SMCHD1: variants seen among roughly 807,000 people sequenced by gnomAD.
SMCHD1 encodes structural maintenance of chromosomes flexible hinge domain-containing protein 1.
In SMCHD1, 78 loss-of-function variants were observed where a neutral mutation model predicts 254.7. The ratio of observed to expected loss-of-function variants is 0.31; its 90% CI spans 0.26 to 0.37. The LOEUF (loss-of-function observed/expected upper bound fraction) is 0.37, where lower values mean the gene tolerates loss of function less well. Among genes scored for constraint, SMCHD1 ranks in the 10% least tolerant of loss-of-function variants. The pLI, the probability that SMCHD1 is intolerant of heterozygous loss-of-function variation, is 1.00. For synonymous variants in SMCHD1, 766 were observed against 794.9 expected, an observed-to-expected ratio of 0.96 and a Z score of 0.61; for missense variants, 1,840 against 2,408.1, an observed-to-expected ratio of 0.76 and a Z score of 4.94.
chr18:2,670,517 C>T (rs1598289067), intron 3 of SMCHD1, among the ~76,000 whole-genome samples: 1 of 151,984 alleles, frequency 6.6e-6, no homozygotes, highest in African/African-American at 2.4e-5. Context: ...TCCCATATTC[C>T]TCCATTAGAA....
chr18:2,745,125 G>C (rs2075426956), intron 29 of SMCHD1, among the ~76,000 whole-genome samples: 1 of 152,212 alleles, frequency 6.6e-6, no homozygotes, highest in South Asian at 2.1e-4. Context: ...TGACAGGCAT[G>C]AGCCACTGCA....
intron 45 of SMCHD1, among the ~76,000 whole-genome samples, chr18:2,785,612 A>T (rs1449485550): frequency 4.6e-5 from 6 of 130,146 alleles, no homozygotes; most frequent in Non-Finnish European, 9.3e-5. Flanking sequence ...AGATTGCACC[A>T]CTGCACTCCA....
chr18:2,665,323 AT>A lies in SMCHD1; in HGVS notation c.187-823del, dbSNP rs796416596. ...TGTTTCTTGTTGCAATTTCCCTCTA[AT>A]TTTTTTTTTTCTTTGAGACGGAGTC... On this transcript the variant is annotated intron_variant, in intron 1 of 47. Transcript: ENST00000320876. 6.9e-4 allele frequency among the ~76,000 whole-genome samples: 99 copies of A among 142,812 alleles called. 1 individual carries two copies. The highest frequency in any genetic ancestry group is 2.2e-3 in the East Asian group (11 of 4,960). The allele number at this position is 142,812 out of a possible 152,430, so 93.7% of individuals were successfully genotyped here. A position where few individuals can be genotyped will look rare whatever the true frequency, so the allele number is the denominator to read the frequency against.
chr18:2,656,309 G>A lies in SMCHD1; in HGVS notation c.186+48G>A, dbSNP rs374507794. On this transcript the variant is annotated intron_variant, in intron 1 of 47. Coordinates refer to ENST00000320876, the MANE Select transcript of SMCHD1 (RefSeq NM_015295.3). ...GATGCGCGTGTAGACTTGGGGGCGG[G>A]AGGGTGATGAGAAACTCAACTTGCT... 3.1e-5 allele frequency: 43 copies of A among 1,396,754 alleles called. No homozygotes were observed. In the African/African-American group the frequency reaches 5.0e-4, roughly 16 times the overall value. The allele number at this position is 1,396,754 out of a possible 1,614,324, so 86.5% of individuals were successfully genotyped here.
intron 29 of SMCHD1, among the ~76,000 whole-genome samples, chr18:2,744,222 A>C (rs1024057355): frequency 6.6e-6 from 1 of 152,182 alleles, no homozygotes; most frequent in African/African-American, 2.4e-5. Context: ...GCAAACTCCC[A>C]TGTGCCAATT....
chr18:2,761,312 C>T (rs1027033569), intron 35 of SMCHD1, among the ~76,000 whole-genome samples: 3 of 152,130 alleles, frequency 2.0e-5, no homozygotes, highest in African/African-American at 4.8e-5. Context: ...CTATTAGGTA[C>T]TGTGTTTGCT....
At chr18:2,715,107 T>C (rs1441155442) in intron 17 of SMCHD1, among the ~76,000 whole-genome samples, 2 of 152,178 alleles carry the variant, frequency 1.3e-5, no homozygotes, top group African/African-American at 4.8e-5. Flanking sequence ...TGTTTTTGCC[T>C]GGCATTCTTT....
intron 22 of SMCHD1, 136 bp from the exon 23 acceptor site, chr18:2,728,321 A>G (rs2075064725): frequency 1.3e-6 from 1 of 799,456 alleles, no homozygotes; most frequent in African/African-American, 1.8e-5. Context: ...TTAAGCATGG[A>G]CATTGCCTAT....
intron 39 of SMCHD1, among the ~76,000 whole-genome samples, chr18:2,770,830 G>T (rs6506030): frequency 2.6e-5 from 4 of 151,988 alleles, no homozygotes; most frequent in East Asian, 3.9e-4. Context: ...CATGTTGGCC[G>T]GGCTGGTCTC....
At chr18:2,709,246 A>ATATATATATATATATATGTG (rs759808617) in intron 17 of SMCHD1, among the ~76,000 whole-genome samples, 3 of 107,450 alleles carry the variant, frequency 2.8e-5, no homozygotes, top group Non-Finnish European at 6.4e-5. Flanking sequence ...ATATATATAT[A>ATATATATATATATATATGTG]TATACACACA....
rs745707581 is a variant in SMCHD1, at chr18:2,700,494, C to A, written c.1343-45C>A. The A allele has an allele frequency of 2.0e-5, 31 of 1,547,126 alleles. 1 individual carries two copies. The Admixed American group carries it at 4.0e-4, about 20-fold the overall frequency. ...TATGTGTTTGTTTCATTATTTCTCA[C>A]ATTTTAGCAATAAACATTTTGTTCC... On this transcript the variant is annotated intron_variant, in intron 10 of 47. Coordinates refer to ENST00000320876, the MANE Select transcript of SMCHD1 (RefSeq NM_015295.3).
intron 45 of SMCHD1, among the ~76,000 whole-genome samples, chr18:2,793,907 T>G (rs2076214770): frequency 6.6e-6 from 1 of 152,178 alleles, no homozygotes; most frequent in African/African-American, 2.4e-5. Flanking sequence ...CTCTTGACCC[T>G]TAAAGTATAG....
At chr18:2,712,014 C>T (rs946313210) in intron 17 of SMCHD1, among the ~76,000 whole-genome samples, 19 of 152,180 alleles carry the variant, frequency 1.2e-4, no homozygotes, top group Non-Finnish European at 2.5e-4. Flanking sequence ...CAGCCTGAGG[C>T]TTTCACCAGA....
chr18:2,709,311 A>C (rs2074614374), intron 17 of SMCHD1, among the ~76,000 whole-genome samples: 1 of 150,954 alleles, frequency 6.6e-6, no homozygotes, highest in Non-Finnish European at 1.5e-5. Flanking sequence ...ATGGATACTC[A>C]GGTTACTTTC....
At chr18:2,797,827 G>T (rs911909414) in intron 47 of SMCHD1, among the ~76,000 whole-genome samples, 23 of 152,144 alleles carry the variant, frequency 1.5e-4, no homozygotes, top group African/African-American at 5.3e-4. Flanking sequence ...TGAGGCAGGA[G>T]AATTGCTTGA....
rs78340952 is a variant in SMCHD1 at position 2,687,167 on chromosome 18, A to G, written c.639-1227A>G. ...GGTATTTAAAGTGTGACTTTTTAGAAATTCAACAATATGCACACACCAGTT... is the reference window on the plus strand; with the variant it reads ...GGTATTTAAAGTGTGACTTTTTAGAGATTCAACAATATGCACACACCAGTT... On this transcript the variant is annotated intron_variant, in intron 5 of 47. Transcript: ENST00000320876. Among the ~76,000 whole-genome samples, 683 of 152,272 alleles carry G rather than the reference A, an allele frequency of 4.5e-3. 7 individuals carry two copies. The highest frequency in any genetic ancestry group is 0.015 in the African/African-American group (627 of 41,552).
chr18:2,774,229 T>C (rs12456967), intron 41 of SMCHD1, among the ~76,000 whole-genome samples: 44,372 of 151,970 alleles, frequency 0.29, 6,717 homozygotes, highest in East Asian at 0.51. Context: ...CATCTAAATG[T>C]CACAAGTAAG....
chr18:2,763,768 G>A lies in SMCHD1; in HGVS notation c.4698G>A (p.Val1566=). 6.2e-7 allele frequency: 1 copy of A among 1,608,178 alleles called. No homozygotes were observed. Among genetic ancestry groups the A allele is most frequent in the Admixed American group, 1.7e-5 (1 of 58,614 alleles). Residue 1566 remains valine (V), a synonymous_variant, in exon 37 of 48, where the codon GTG becomes GTA. Transcript: ENST00000320876. The part of the protein sequence containing the change: ...GKVRTLEFPF[V]NGSAEIMSLV... Reference sequence around the variant, plus strand: ...TTAGAACACTTGAATTCCCCTTCGTGAATGGTTCGGCTGAAATCATGGTAA... The same window carrying A: ...TTAGAACACTTGAATTCCCCTTCGTAAATGGTTCGGCTGAAATCATGGTAA...
intron 24 of SMCHD1, among the ~76,000 whole-genome samples, chr18:2,731,874 GGT>G (rs1488746400): frequency 6.6e-6 from 1 of 152,094 alleles, no homozygotes; most frequent in Non-Finnish European, 1.5e-5. Flanking sequence ...ATCCATGCAT[GGT>G]GGTAGGCGCC....
Sources: gnomAD v4.1 joint callset for allele counts (sites outside exome capture counted in the v4.1 genomes callset) on GRCh38, gnomAD v4.1.1 for gene constraint, MANE v1.5 for transcripts, NCBI Gene and HGNC (gene_info 2026-07-23, HGNC 2026-07-21) for gene names.